Variants in TLL2 observed in about 807,000 individuals in gnomAD.
TLL2 encodes the protein tolloid like 2.
Under a neutral mutation model 123.0 loss-of-function variants are expected in TLL2, and 106 were observed. That is an observed-to-expected ratio of 0.86 (90% CI 0.74 to 1.01). TLL2 has a LOEUF of 1.01. TLL2 is among the 50% of genes least tolerant of loss of function. The pLI, the probability that TLL2 is intolerant of heterozygous loss-of-function variation, is 0.00. For missense variants in TLL2, 1,332 were observed against 1,336.7 expected, an observed-to-expected ratio of 1.00 and a Z score of 0.06; for synonymous variants, 494 against 516.8, an observed-to-expected ratio of 0.96 and a Z score of 0.60.
At chr10:96,435,330 G>C (rs1202421703) in intron 3 of TLL2, among the ~76,000 whole-genome samples, 2 of 152,030 alleles carry the variant, frequency 1.3e-5, no homozygotes, top group Non-Finnish European at 2.9e-5. Context: ...TTTTATTGTT[G>C]TGTTATAATT....
intron 2 of TLL2, among the ~76,000 whole-genome samples, chr10:96,456,859 C>T (rs1439067316): frequency 6.6e-6 from 1 of 152,210 alleles, no homozygotes; most frequent in Non-Finnish European, 1.5e-5. Context: ...TGAAGGAACT[C>T]GTACTCCCAG....
At chr10:96,394,007 G>A (rs1426092141) in intron 13 of TLL2, among the ~76,000 whole-genome samples, 1 of 152,198 alleles carries the variant, frequency 6.6e-6, no homozygotes, top group African/African-American at 2.4e-5. Flanking sequence ...TGAAGCTTCA[G>A]TAAGGACGAA....
At position 96,446,127 on chromosome 10, in the gene TLL2, T is replaced by A. The variant is rs1846895409; in HGVS notation, c.328A>T (p.Thr110Ser). ...TCCTTGGTGCCAGTGTCCATGGCTG[T>A]GGTGTCTGGGCTGCTCTCAGATGCC... ...EQASESSPDT[T>S]AMDTGTKEAG... The change falls in exon 3 of 21, where the codon ACA becomes TCA. Residue 110 changes from threonine to serine, a missense_variant. By Grantham distance (58) the Thr-to-Ser change is moderately conservative. Transcript: ENST00000357947. 6.2e-7 allele frequency: 1 copy of A among 1,614,034 alleles called. No individual in the cohort carries two copies. The highest frequency in any genetic ancestry group is 1.7e-5 in the Admixed American group (1 of 60,000).
At chr10:96,436,659 A>C (rs572287781) in intron 3 of TLL2, among the ~76,000 whole-genome samples, 1 of 152,014 alleles carries the variant, frequency 6.6e-6, no homozygotes, top group Admixed American at 6.5e-5. Flanking sequence ...CATAATAATG[A>C]TTGTTTTGTC....
chr10:96,440,538 C>CT (rs1454347431), intron 3 of TLL2, among the ~76,000 whole-genome samples: 1 of 152,220 alleles, frequency 6.6e-6, no homozygotes, highest in East Asian at 1.9e-4. Context: ...CAACAAGTCT[C>CT]TTAATTTTCC....
intron 13 of TLL2, among the ~76,000 whole-genome samples, chr10:96,394,449 A>T (rs1308780103): frequency 1.3e-5 from 2 of 152,222 alleles, no homozygotes; most frequent in Non-Finnish European, 2.9e-5. Context: ...TTCTGGGGCC[A>T]GGAAAGCTCG....
chr10:96,474,622 T>C (rs1847219101), intron 2 of TLL2, among the ~76,000 whole-genome samples: 1 of 152,156 alleles, frequency 6.6e-6, no homozygotes, highest in Non-Finnish European at 1.5e-5. Context: ...GTTGTGGACA[T>C]AGCATGAAGG....
At chr10:96,379,730 G>A (rs1348630524) in intron 16 of TLL2, among the ~76,000 whole-genome samples, 1 of 152,240 alleles carries the variant, frequency 6.6e-6, no homozygotes, top group African/African-American at 2.4e-5. Context: ...GCTGAGGCAG[G>A]AGAATTGCTT....
At chr10:96,416,445 T>C (rs1173594267) in intron 7 of TLL2, among the ~76,000 whole-genome samples, 2 of 152,172 alleles carry the variant, frequency 1.3e-5, no homozygotes, top group Admixed American at 1.3e-4. Flanking sequence ...CAGGTGCCAT[T>C]ATCACAAGAG....
In TLL2 at chr10:96,452,110, C is replaced by T. The variant is rs1846966514; in HGVS notation, c.287-5942G>A. ...CTGGATTCCTGCAGGCAGTGCCTGC[C>T]CTCTTGGTGCCTGCATTCTGATGGA... On this transcript the variant is annotated intron_variant, in intron 2 of 20. Coordinates refer to ENST00000357947, the MANE Select transcript of TLL2 (RefSeq NM_012465.4). 3.3e-5 allele frequency among the ~76,000 whole-genome samples: 5 copies of T among 152,244 alleles called. No individual in the cohort carries two copies. The South Asian group carries it at 1.0e-3, about 31-fold the overall frequency.
intron 18 of TLL2, among the ~76,000 whole-genome samples, chr10:96,375,673 C>T (rs922155848): frequency 2.6e-5 from 4 of 152,208 alleles, no homozygotes; most frequent in Non-Finnish European, 5.9e-5. Flanking sequence ...GTCAGAGGCC[C>T]TGTCTTCACC....
rs1847376448 is a variant in TLL2, at chr10:96,488,297, T to C, written c.176-7838A>G. Among the ~76,000 whole-genome samples, 3 of 152,182 alleles carry C rather than the reference T, an allele frequency of 2.0e-5. No homozygotes were observed. The South Asian group carries it at 6.2e-4, about 32-fold the overall frequency. On this transcript the variant is annotated intron_variant, in intron 1 of 20. Coordinates refer to ENST00000357947, the MANE Select transcript of TLL2 (RefSeq NM_012465.4). The stretch of plus-strand genomic sequence containing the variant: ...CCTTTGGGAGGCACTGACTTAGCGC[T>C]TGCGTGCCCAGCCCAGGGCAGCCCT...
intron 20 of TLL2, among the ~76,000 whole-genome samples, chr10:96,369,543 T>C (rs1846058725): frequency 6.6e-6 from 1 of 152,096 alleles, no homozygotes. Flanking sequence ...GGTGGATCAC[T>C]TGAGGTCAGG....
chr10:96,386,127 GAC>G lies in TLL2; in HGVS notation c.1939_1940del (p.Val647LeufsTer16), dbSNP rs755651473. The part of the protein sequence containing the change: ...PKEYPTNKNC[V>X]WQVVAPAQYR... ...ACTGAGCGGGGGCCACCACCTGCCA[GAC>G]ACAGTTTTTGTTTGTGGGATACTCC... On this transcript the variant is annotated frameshift_variant, in exon 15 of 21. Transcript: ENST00000357947. LOFTEE classifies it high-confidence loss of function. 2.2e-5 allele frequency: 36 copies of G among 1,613,100 alleles called. No homozygotes were observed. The highest frequency in any genetic ancestry group is 2.8e-5 in the Non-Finnish European group (33 of 1,179,606).
chr10:96,478,319 ACT>A (rs1847279437), intron 2 of TLL2, among the ~76,000 whole-genome samples: 1 of 152,146 alleles, frequency 6.6e-6, no homozygotes, highest in African/African-American at 2.4e-5. Context: ...GGAGACCAAG[ACT>A]CAAAGCCTTA....
At chr10:96,452,242 G>A (rs1408729919) in intron 2 of TLL2, among the ~76,000 whole-genome samples, 1 of 152,148 alleles carries the variant, frequency 6.6e-6, no homozygotes, top group Non-Finnish European at 1.5e-5. Flanking sequence ...GGGAGTCCTA[G>A]GAGGGTCTCT....
At chr10:96,447,204 G>C (rs1013021132) in intron 2 of TLL2, among the ~76,000 whole-genome samples, 66 of 152,360 alleles carry the variant, frequency 4.3e-4, no homozygotes, top group African/African-American at 1.5e-3. Flanking sequence ...CTTGTCATGA[G>C]AGGGACAGCC....
In TLL2 at chr10:96,395,176, C is replaced by T. The variant is rs1180197732; in HGVS notation, c.1726+11G>A. 6.3e-7 allele frequency: 1 copy of T among 1,590,534 alleles called. No individual in the cohort carries two copies. Among genetic ancestry groups the T allele is most frequent in the African/African-American group, 1.4e-5 (1 of 74,036 alleles). On this transcript the variant is annotated intron_variant, in intron 13 of 20. Coordinates refer to ENST00000357947, the MANE Select transcript of TLL2 (RefSeq NM_012465.4). The stretch of plus-strand genomic sequence containing the variant: ...TGTGCCTAAAAGTGGAAACAAACTG[C>T]TAATTCATACCCTTGAAAAAATTGG...
At chr10:96,496,892 C>T (rs568802187) in intron 1 of TLL2, among the ~76,000 whole-genome samples, 12 of 152,248 alleles carry the variant, frequency 7.9e-5, no homozygotes, top group East Asian at 7.7e-4. Context: ...AAGAGAGCCA[C>T]GATCAATTAG....
Sources: allele counts gnomAD v4.1 joint callset (sites outside exome capture counted in the v4.1 genomes callset), GRCh38; gene constraint gnomAD v4.1.1; transcripts MANE v1.5; gene names NCBI Gene and HGNC (gene_info 2026-07-23, HGNC 2026-07-21).